Variants in PSG7 observed in about 807,000 individuals in gnomAD.
The protein encoded by PSG7 is pregnancy-specific beta-1-glycoprotein 7.
A neutral mutation model predicts 45.6 loss-of-function variants in PSG7; 57 were observed. The observed-to-expected ratio is 1.25, with a 90% CI of 1.01 to 1.56. The LOEUF (loss-of-function observed/expected upper bound fraction) is 1.56. PSG7 is among the 40% of genes most tolerant of loss of function. The pLI is 0.00. For synonymous variants in PSG7, 298 were observed against 194.4 expected (o/e 1.53, Z -4.43); for missense variants, 796 against 508.4 (o/e 1.57, Z -5.44).
At chr19:42,929,321 G>A (rs1972963800) in intron 3 of PSG7, 121 bp downstream of exon 3, 1 of 1,585,814 alleles carries the variant, frequency 6.3e-7, no homozygotes, top group Non-Finnish European at 8.6e-7. Context: ...GTCACCACCA[G>A]CTTTGATGTC....
intron 3 of PSG7, chr19:42,927,420 G>T (rs548652428): frequency 6.5e-6 from 1 of 152,846 alleles, no homozygotes; most frequent in African/African-American, 2.4e-5. Context: ...AAGAGCTGGT[G>T]GTTTTGGAGC....
intron 1 of PSG7, 58 bp from the exon 2 acceptor site, chr19:42,935,827 T>G: frequency 6.5e-7 from 1 of 1,549,164 alleles, no homozygotes; most frequent in Non-Finnish European, 8.7e-7. Context: ...GTTGAAAAGA[T>G]GGGCCCCTGG....
chr19:42,925,743 C>G (rs151140791), intron 5 of PSG7, 30 bp downstream of exon 5: 52 of 1,611,566 alleles, frequency 3.2e-5, no homozygotes, highest in Middle Eastern at 3.4e-4. Context: ...ACCTAAAACC[C>G]TATTGCCAAG....
rs1972481362 is a variant in PSG7 at position 42,924,409 on chromosome 19, A to G, written c.*399T>C. Reference sequence around the variant, plus strand: ...TGTAAAAGTCTGAGGTTGAGATGACATATCTGACACTCTGTTGTTACCCTC... The same window carrying G: ...TGTAAAAGTCTGAGGTTGAGATGACGTATCTGACACTCTGTTGTTACCCTC... On this transcript the variant is annotated 3_prime_UTR_variant, in exon 6 of 6. Coordinates refer to ENST00000406070, the MANE Select transcript of PSG7 (RefSeq NM_002783.3). 2.2e-6 allele frequency: 1 copy of G among 457,380 alleles called. No individual in the cohort carries two copies. Among genetic ancestry groups the G allele is most frequent in the African/African-American group, 2.0e-5 (1 of 50,804 alleles). The allele number at this position is 457,380 out of a possible 1,614,324, so 28.3% of individuals were successfully genotyped here.
At position 42,935,750 on chromosome 19, in the gene PSG7, C is replaced by A; in HGVS notation, c.84G>T (p.Trp28Cys). 6.2e-7 allele frequency: 1 copy of A among 1,610,486 alleles called. No homozygotes were observed. Among genetic ancestry groups the A allele is most frequent in the Non-Finnish European group, 8.5e-7 (1 of 1,178,482 alleles). Residue 28 changes from tryptophan (W) to cysteine (C), a missense_variant, in exon 2 of 6, where the codon TGG (tryptophan) becomes TGT (cysteine). Transcript: ENST00000406070. ...TGACTTGGGCTGTGGTGGGCGGGTT[C>A]CAGAAGTTTAAAAGTGATGCTAGGA... ...LLLTASLLNF[W>C]NPPTTAQVTI...
intron 2 of PSG7, among the ~76,000 whole-genome samples, chr19:42,934,467 G>T (rs1390667352): frequency 6.6e-6 from 1 of 151,602 alleles, no homozygotes; most frequent in South Asian, 2.1e-4. Context: ...CTCTGGCTCA[G>T]TGACTGTGCT....
Position 42,935,884 on chromosome 19 carries a change from AC to A in PSG7, c.65-116del. The A allele has an allele frequency of 2.7e-6, 3 of 1,123,486 alleles. 1 individual carries two copies. The South Asian group carries it at 4.9e-5, about 18-fold the overall frequency. The allele number at this position is 1,123,486 out of a possible 1,614,324, so 69.6% of individuals were successfully genotyped here. A position where few individuals can be genotyped will look rare whatever the true frequency, so the allele number is the denominator to read the frequency against. On this transcript the variant is annotated intron_variant, in intron 1 of 5. Coordinates refer to ENST00000406070, the MANE Select transcript of PSG7 (RefSeq NM_002783.3). ...TCCTCAGCCTTGAAGACACACACAC[AC>A]ACACACACACACACACACACACACA...
At position 42,930,859 on chromosome 19, in the gene PSG7, G is replaced by C. The variant is rs530797746; in HGVS notation, c.431-1139C>G. Among the ~76,000 whole-genome samples, 10 of 151,722 alleles carry C rather than the reference G, an allele frequency of 6.6e-5. 1 individual carries two copies. Among genetic ancestry groups the C allele is most frequent in the African/African-American group, 1.7e-4 (7 of 41,302 alleles). ...TCTCCTGTACAGCCTCATGCCTATA[G>C]TTCATACAGATAAAGTGCTCCTTAT... On this transcript the variant is annotated intron_variant, in intron 2 of 5. Coordinates refer to ENST00000406070, the MANE Select transcript of PSG7 (RefSeq NM_002783.3).
chr19:42,926,119 G>A (rs1454084028), intron 4 of PSG7, 92 bp from the exon 5 acceptor site: 32 of 1,537,086 alleles, frequency 2.1e-5, no homozygotes, highest in African/African-American at 1.4e-4. Flanking sequence ...CCTCTGAGCC[G>A]AGACACACCC....
intron 3 of PSG7, chr19:42,927,397 G>C (rs1972918293): frequency 1.3e-5 from 2 of 153,646 alleles, no homozygotes; most frequent in Admixed American, 6.4e-5. Flanking sequence ...TAGAAAGAGT[G>C]AAGGGGACAA....
intron 2 of PSG7, among the ~76,000 whole-genome samples, chr19:42,930,196 G>A (rs1216723718): frequency 6.6e-6 from 1 of 151,620 alleles, no homozygotes; most frequent in Non-Finnish European, 1.5e-5. Flanking sequence ...AACCCTTTGG[G>A]TACTGGAAAG....
At chr19:42,935,843 G>C (rs1253134250) in intron 1 of PSG7, 74 bp from the exon 2 acceptor site, 33 of 1,526,056 alleles carry the variant, frequency 2.2e-5, no homozygotes, top group Admixed American at 2.0e-5. Flanking sequence ...CCTGGGTCCT[G>C]AGAAGGTCTC....
At chr19:42,936,250 C>G (rs1342695178) in intron 1 of PSG7, 1 of 164,350 alleles carries the variant, frequency 6.1e-6, no homozygotes, top group Non-Finnish European at 1.3e-5. Context: ...GTCTTCCTCC[C>G]CATGACAGCA....
chr19:42,925,735 C>G, intron 5 of PSG7, 38 bp downstream of exon 5: 2 of 1,611,228 alleles, frequency 1.2e-6, no homozygotes, highest in South Asian at 2.2e-5. Flanking sequence ...TAGACTGCAC[C>G]TAAAACCCTA....
intron 2 of PSG7, among the ~76,000 whole-genome samples, chr19:42,933,033 C>T (rs1402053083): frequency 6.7e-6 from 1 of 149,710 alleles, no homozygotes; most frequent in Non-Finnish European, 1.5e-5. Flanking sequence ...TCATGTGGTC[C>T]CTACCTAGAG....
chr19:42,924,270 A>G lies in PSG7; in HGVS notation c.*538T>C. On this transcript the variant is annotated 3_prime_UTR_variant, in exon 6 of 6. Coordinates refer to ENST00000406070, the MANE Select transcript of PSG7 (RefSeq NM_002783.3). ...AGTCTACTATAATTTCAGCTTTCCTACTCTTTATAGAAACCATCTTCTCTG... is the reference window on the plus strand; with the variant it reads ...AGTCTACTATAATTTCAGCTTTCCTGCTCTTTATAGAAACCATCTTCTCTG... 3.6e-6 allele frequency: 1 copy of G among 279,082 alleles called. No homozygotes were observed. Among genetic ancestry groups the G allele is most frequent in the Non-Finnish European group, 6.6e-6 (1 of 150,820 alleles). The allele number at this position is 279,082 out of a possible 1,614,324, so 17.3% of individuals were successfully genotyped here.
intron 3 of PSG7, chr19:42,927,029 T>C (rs549624374): frequency 6.8e-6 from 3 of 439,960 alleles, no homozygotes; most frequent in Non-Finnish European, 7.9e-6. Context: ...ATGAGTTGAC[T>C]GGCTGGCTCA....
Position 42,926,369 on chromosome 19 carries a change from C to T in PSG7, c.988+69G>A. 2 of 1,594,210 alleles carry T rather than the reference C, an allele frequency of 1.3e-6. 1 individual carries two copies. Among genetic ancestry groups the T allele is most frequent in the Non-Finnish European group, 1.7e-6 (2 of 1,170,288 alleles). ...CCGGAGAGAGACTGAGAGGACTGGC[C>T]TCTGGTCGTTTGGAGTTAAGCTGGT... On this transcript the variant is annotated intron_variant, in intron 4 of 5. Coordinates refer to ENST00000406070, the MANE Select transcript of PSG7 (RefSeq NM_002783.3).
chr19:42,931,168 A>C (rs1183277642), intron 2 of PSG7, among the ~76,000 whole-genome samples: 1 of 151,640 alleles, frequency 6.6e-6, no homozygotes, highest in Admixed American at 6.6e-5. Flanking sequence ...TCTAATAACA[A>C]AAGAAAAATT....
Sources: allele counts gnomAD v4.1 joint callset (sites outside exome capture counted in the v4.1 genomes callset), GRCh38; gene constraint gnomAD v4.1.1; transcripts MANE v1.5; gene names NCBI Gene and HGNC (gene_info 2026-07-23, HGNC 2026-07-21).